TOX2: variants seen among roughly 807,000 people sequenced by gnomAD.
The protein encoded by TOX2 is granulosa cell HMG box 1.
TOX2 carries 15 observed loss-of-function variants against 47.4 expected under a neutral mutation model. The observed-to-expected ratio is 0.32, with a 90% CI of 0.21 to 0.49. The LOEUF (loss-of-function observed/expected upper bound fraction) is 0.49. Ranked by LOEUF, TOX2 falls within the 20% of genes least tolerant of loss-of-function variation. The pLI is 0.99. For missense variants in TOX2, 622 were observed against 673.1 expected, an observed-to-expected ratio of 0.92 and a Z score of 0.84; for synonymous variants, 290 against 296.6, an observed-to-expected ratio of 0.98 and a Z score of 0.23.
rs775891199 is a variant in TOX2, at chr20:44,068,752, C to A, written c.*66C>A. 9.7e-5 allele frequency: 156 copies of A among 1,604,854 alleles called. No individual in the cohort carries two copies. The highest frequency in any genetic ancestry group is 1.2e-4 in the Non-Finnish European group (137 of 1,173,856). On this transcript the variant is annotated 3_prime_UTR_variant, in exon 9 of 9. Coordinates refer to ENST00000341197, the MANE Select transcript of TOX2 (RefSeq NM_001098797.2). Reference sequence around the variant, plus strand: ...TGCTCAGAGCCTGAAGGGCTGACAGCAGAAAAGAGGCCCTGGCCAGAGGCA... The same window carrying A: ...TGCTCAGAGCCTGAAGGGCTGACAGAAGAAAAGAGGCCCTGGCCAGAGGCA...
At chr20:44,066,951 A>G in intron 8 of TOX2, 94 bp downstream of exon 8, 1 of 1,514,778 alleles carries the variant, frequency 6.6e-7, no homozygotes, top group Non-Finnish European at 8.9e-7. Flanking sequence ...GGCAACGTGG[A>G]CAGGGGAGGA....
chr20:43,931,041 G>A (rs2069245977), intron 1 of TOX2, among the ~76,000 whole-genome samples: 1 of 152,140 alleles, frequency 6.6e-6, no homozygotes. Flanking sequence ...AATCTCTGTC[G>A]TTTGCTCATG....
At chr20:44,027,943 C>T (rs2071090869) in intron 3 of TOX2, among the ~76,000 whole-genome samples, 1 of 152,276 alleles carries the variant, frequency 6.6e-6, no homozygotes, top group South Asian at 2.1e-4. Context: ...CTGGCTCATT[C>T]CTCAACATGT....
intron 2 of TOX2, among the ~76,000 whole-genome samples, chr20:43,984,368 C>T (rs1310581924): frequency 2.6e-5 from 4 of 152,172 alleles, no homozygotes; most frequent in Admixed American, 6.5e-5. Context: ...GGAAAAAGCC[C>T]ATCCTGTGTA....
At chr20:43,967,761 G>T (rs942542590) in intron 1 of TOX2, among the ~76,000 whole-genome samples, 1 of 152,080 alleles carries the variant, frequency 6.6e-6, no homozygotes, top group Non-Finnish European at 1.5e-5. Flanking sequence ...TTATGAATAT[G>T]TTGAGTTAAA....
intron 1 of TOX2, among the ~76,000 whole-genome samples, chr20:43,927,677 C>T (rs2069193276): frequency 9.3e-6 from 1 of 107,230 alleles, no homozygotes. Context: ...TCCTTCCTTT[C>T]TTCCTTCCTT....
chr20:43,929,716 C>G lies in TOX2; in HGVS notation c.99+14726C>G, dbSNP rs1390181039. ...TTATTTTTTAATTTTTTATTTGTTT[C>G]TTTATTTTTTTGAGATGGAGTCTCG... is the stretch of plus-strand genomic sequence containing the variant. On this transcript the variant is annotated intron_variant, in intron 1 of 8. Coordinates refer to ENST00000341197, the MANE Select transcript of TOX2 (RefSeq NM_001098797.2). Among the ~76,000 whole-genome samples, 4 of 152,004 alleles carry G rather than the reference C, an allele frequency of 2.6e-5. No homozygotes were observed. In the East Asian group the frequency reaches 5.8e-4, roughly 22 times the overall value.
intron 3 of TOX2, among the ~76,000 whole-genome samples, chr20:44,008,142 A>C (rs2070718390): frequency 6.6e-6 from 1 of 152,146 alleles, no homozygotes; most frequent in South Asian, 2.1e-4. Flanking sequence ...CATGTGGTTC[A>C]TGCTTTTTAT....
chr20:44,038,213 TAGAG>T (rs1400351455), intron 3 of TOX2, among the ~76,000 whole-genome samples: 1 of 151,774 alleles, frequency 6.6e-6, no homozygotes, highest in Non-Finnish European at 1.5e-5. Flanking sequence ...CTGGGCAACA[TAGAG>T]AGACCCTGTA....
At position 43,970,367 on chromosome 20, in the gene TOX2, A is replaced by G. The variant is rs904535165; in HGVS notation, c.100-3000A>G. 2.0e-5 allele frequency among the ~76,000 whole-genome samples: 3 copies of G among 152,174 alleles called. No individual in the cohort carries two copies. The East Asian group carries it at 5.8e-4, about 29-fold the overall frequency. Reference sequence around the variant, plus strand: ...ATATTCATTCTGTCACCAAATATTTATTGATTGTCTACTGTGCTTATCGGG... The same window carrying G: ...ATATTCATTCTGTCACCAAATATTTGTTGATTGTCTACTGTGCTTATCGGG... On this transcript the variant is annotated intron_variant, in intron 1 of 8. Transcript: ENST00000341197.
intron 3 of TOX2, chr20:44,038,974 T>G (rs1486883520): frequency 1.7e-6 from 2 of 1,189,930 alleles, no homozygotes; most frequent in South Asian, 1.6e-5. Flanking sequence ...CTGGGGCGGG[T>G]GCAGATGTGG....
chr20:43,983,178 T>G (rs2070199248), intron 2 of TOX2, among the ~76,000 whole-genome samples: 2 of 151,948 alleles, frequency 1.3e-5, no homozygotes, highest in African/African-American at 4.8e-5. Flanking sequence ...CAGCAGAACG[T>G]GTGCTGGAGT....
intron 3 of TOX2, among the ~76,000 whole-genome samples, chr20:44,020,315 G>A (rs1003481478): frequency 7.9e-5 from 12 of 152,156 alleles, no homozygotes; most frequent in Non-Finnish European, 1.5e-4. Context: ...GGCCCCCCAA[G>A]GGAGGGAGAG....
At chr20:43,934,522 A>AG (rs989744728) in intron 1 of TOX2, among the ~76,000 whole-genome samples, 9 of 151,870 alleles carry the variant, frequency 5.9e-5, no homozygotes, top group African/African-American at 1.7e-4. Flanking sequence ...CCACATAGGG[A>AG]GGGGGTGTGT....
rs980592368 is a variant in TOX2 at position 43,928,873 on chromosome 20, G to T, written c.99+13883G>T. On this transcript the variant is annotated intron_variant, in intron 1 of 8. Coordinates refer to ENST00000341197, the MANE Select transcript of TOX2 (RefSeq NM_001098797.2). ...AGTGGGGCCGGGCGTGGTGGCTCAC[G>T]CCTGTAATCCCAGCACTTTGGGAGG... Among the ~76,000 whole-genome samples the T allele has an allele frequency of 3.4e-4, 52 of 151,096 alleles. 1 individual carries two copies. The highest frequency in any genetic ancestry group is 1.2e-3 in the African/African-American group (50 of 40,930).
chr20:43,991,864 G>A (rs2070374909), intron 2 of TOX2, among the ~76,000 whole-genome samples: 1 of 152,110 alleles, frequency 6.6e-6, no homozygotes, highest in Non-Finnish European at 1.5e-5. Flanking sequence ...CGCTGGTCTT[G>A]AACTCCTGAC....
intron 1 of TOX2, among the ~76,000 whole-genome samples, chr20:43,959,914 G>T (rs1318924013): frequency 1.3e-5 from 2 of 152,178 alleles, no homozygotes; most frequent in African/African-American, 4.8e-5. Context: ...GAGGTAACGG[G>T]GCAAGACCTG....
At chr20:43,959,253 G>C (rs996091457) in intron 1 of TOX2, among the ~76,000 whole-genome samples, 1 of 152,212 alleles carries the variant, frequency 6.6e-6, no homozygotes. Flanking sequence ...CAGCAGCTTA[G>C]TGCAGAGCCT....
At chr20:43,923,745 G>A (rs1009702917) in intron 1 of TOX2, among the ~76,000 whole-genome samples, 6 of 152,320 alleles carry the variant, frequency 3.9e-5, no homozygotes, top group African/African-American at 1.2e-4. Context: ...CCTGGAAAAG[G>A]ACTCTGAGAT....
Sources: allele counts gnomAD v4.1 joint callset (sites outside exome capture counted in the v4.1 genomes callset), GRCh38; gene constraint gnomAD v4.1.1; transcripts MANE v1.5; gene names NCBI Gene and HGNC (gene_info 2026-07-23, HGNC 2026-07-21).